TGFA: variants seen among roughly 807,000 people sequenced by gnomAD.
The protein encoded by TGFA is transforming growth factor alpha.
In TGFA, 12 loss-of-function variants were observed where a neutral mutation model predicts 21.7. The ratio of observed to expected loss-of-function variants is 0.55; its 90% CI spans 0.35 to 0.90. TGFA has a LOEUF of 0.90. Among genes scored for constraint, TGFA ranks in the 40% least tolerant of loss-of-function variants. TGFA has a pLI of 0.01. For synonymous variants in TGFA, 79 were observed against 88.1 expected (o/e 0.90, Z 0.58); for missense variants, 178 against 210.8 (o/e 0.84, Z 0.96).
intron 3 of TGFA, among the ~76,000 whole-genome samples, chr2:70,460,292 A>G (rs1205335990): frequency 6.6e-6 from 1 of 151,978 alleles, no homozygotes; most frequent in Admixed American, 6.6e-5. Context: ...GGGGAGGGCG[A>G]TCCTTTCTCT....
intron 2 of TGFA, among the ~76,000 whole-genome samples, chr2:70,502,774 T>C (rs1449990323): frequency 6.6e-6 from 1 of 152,258 alleles, no homozygotes; most frequent in Non-Finnish European, 1.5e-5. Context: ...ACTTGAATGT[T>C]ATTGCTTTCT....
intron 1 of TGFA, among the ~76,000 whole-genome samples, chr2:70,517,040 G>C (rs574257774): frequency 1.3e-5 from 2 of 152,190 alleles, no homozygotes; most frequent in African/African-American, 2.4e-5. Context: ...ACACTGATGA[G>C]CACCACTGCT....
intron 2 of TGFA, among the ~76,000 whole-genome samples, chr2:70,487,235 C>G (rs2103774208): frequency 6.6e-6 from 1 of 152,270 alleles, no homozygotes; most frequent in African/African-American, 2.4e-5. Flanking sequence ...ATTTTGTGTT[C>G]TGTGTGCCCA....
chr2:70,510,340 C>A (rs1427650579), intron 2 of TGFA, among the ~76,000 whole-genome samples: 3 of 152,204 alleles, frequency 2.0e-5, no homozygotes, highest in Admixed American at 6.5e-5. Context: ...GGGCCTATGA[C>A]AATTAGCATC....
intron 3 of TGFA, among the ~76,000 whole-genome samples, chr2:70,457,287 C>T (rs1267523139): frequency 4.6e-5 from 7 of 152,162 alleles, no homozygotes; most frequent in Non-Finnish European, 8.8e-5. Flanking sequence ...CTTTCAATCA[C>T]GGCCCCCTGC....
chr2:70,448,501 A>G lies in TGFA; in HGVS notation c.*2358T>C, dbSNP rs1669953511. Reference sequence around the variant, plus strand: ...GGAGCTTGCAGAGATGGATTAGAAGATGCATTTTTAACTTGAAATGGAGTA... The same window carrying G: ...GGAGCTTGCAGAGATGGATTAGAAGGTGCATTTTTAACTTGAAATGGAGTA... On this transcript the variant is annotated 3_prime_UTR_variant, in exon 6 of 6. Transcript: ENST00000295400. 6.6e-6 allele frequency: 1 copy of G among 152,190 alleles called. No homozygotes were observed. Among genetic ancestry groups the G allele is most frequent in the African/African-American group, 2.4e-5 (1 of 41,450 alleles). The allele number at this position is 152,190 out of a possible 1,614,324, so 9.4% of individuals were successfully genotyped here.
At chr2:70,518,647 T>C (rs1177808306) in intron 1 of TGFA, among the ~76,000 whole-genome samples, 2 of 152,206 alleles carry the variant, frequency 1.3e-5, no homozygotes, top group African/African-American at 4.8e-5. Context: ...CAATCAGGCA[T>C]GGGACTAGCA....
At chr2:70,508,918 C>T (rs1477206870) in intron 2 of TGFA, among the ~76,000 whole-genome samples, 3 of 152,200 alleles carry the variant, frequency 2.0e-5, no homozygotes, top group Admixed American at 2.0e-4. Flanking sequence ...GTCTACTACC[C>T]TGAGCAGCTT....
At chr2:70,519,179 C>T (rs536224087) in intron 1 of TGFA, among the ~76,000 whole-genome samples, 1 of 152,196 alleles carries the variant, frequency 6.6e-6, no homozygotes, top group Non-Finnish European at 1.5e-5. Context: ...CCCCCTTCCT[C>T]CCCTACCATT....
intron 2 of TGFA, among the ~76,000 whole-genome samples, chr2:70,487,338 G>A (rs1361449462): frequency 1.3e-5 from 2 of 152,186 alleles, no homozygotes; most frequent in African/African-American, 2.4e-5. Flanking sequence ...AAGTGCCTGG[G>A]ATTGGAAGTC....
intron 3 of TGFA, among the ~76,000 whole-genome samples, chr2:70,457,094 G>A (rs1164378972): frequency 6.6e-6 from 1 of 152,130 alleles, no homozygotes; most frequent in Non-Finnish European, 1.5e-5. Context: ...CTTAGTAAAG[G>A]CACAAGCAAG....
At chr2:70,457,879 A>G (rs1379720454) in intron 3 of TGFA, among the ~76,000 whole-genome samples, 1 of 152,256 alleles carries the variant, frequency 6.6e-6, no homozygotes, top group African/African-American at 2.4e-5. Flanking sequence ...GCCCCATATC[A>G]TATGCTAGAT....
intron 2 of TGFA, among the ~76,000 whole-genome samples, chr2:70,475,273 T>C (rs1256992619): frequency 1.3e-5 from 2 of 152,190 alleles, no homozygotes; most frequent in African/African-American, 2.4e-5. Context: ...TATTGGATTG[T>C]CCACCTACTG....
intron 2 of TGFA, among the ~76,000 whole-genome samples, chr2:70,476,095 A>T (rs561748701): frequency 2.1e-4 from 31 of 145,306 alleles, no homozygotes; most frequent in African/African-American, 7.5e-4. Context: ...AAAAAAAAAA[A>T]AAAAAAAAAA....
At chr2:70,521,609 G>GTTGTTTTTTTTTTTTTT (rs1432347684) in intron 1 of TGFA, among the ~76,000 whole-genome samples, 2 of 78,874 alleles carry the variant, frequency 2.5e-5, no homozygotes, top group Non-Finnish European at 4.8e-5. Context: ...TTTTGTTGTT[G>GTTGTTTTTTTTTTTTTT]TTTGTTTGTT....
At chr2:70,535,124 T>C (rs1361066091) in intron 1 of TGFA, among the ~76,000 whole-genome samples, 4 of 152,104 alleles carry the variant, frequency 2.6e-5, no homozygotes, top group Admixed American at 6.5e-5. Context: ...ATATGTAAGG[T>C]ACTGGAAGAA....
At chr2:70,472,321 C>T (rs1286802330) in intron 2 of TGFA, among the ~76,000 whole-genome samples, 1 of 152,148 alleles carries the variant, frequency 6.6e-6, no homozygotes, top group Non-Finnish European at 1.5e-5. Context: ...GGTTTTGGAA[C>T]AGACCTCATA....
At position 70,456,218 on chromosome 2, in the gene TGFA, A is replaced by G. The variant is rs11466260; in HGVS notation, c.365+121T>C. ...CAAAGTAGCATTTAGCTTTCCTGAC[A>G]GCACTCAGACATCCCAGAAATAAGC... On this transcript the variant is annotated intron_variant, in intron 4 of 5. Coordinates refer to ENST00000295400, the MANE Select transcript of TGFA (RefSeq NM_003236.4). 11,357 of 1,319,838 alleles carry G rather than the reference A, an allele frequency of 8.6e-3. 624 individuals carry two copies. The African/African-American group carries it at 0.14, about 16-fold the overall frequency. 81.8% of individuals were successfully genotyped at this position (1,319,838 alleles called of 1,614,324 possible). A position where few individuals can be genotyped will look rare whatever the true frequency, so the allele number is the denominator to read the frequency against.
chr2:70,541,139 GATA>G (rs561892196), intron 1 of TGFA, among the ~76,000 whole-genome samples: 1 of 152,156 alleles, frequency 6.6e-6, no homozygotes, highest in African/African-American at 2.4e-5. Flanking sequence ...TTAAAATGCT[GATA>G]ATAACTCAGT....
Sources: allele counts gnomAD v4.1 joint callset (sites outside exome capture counted in the v4.1 genomes callset), GRCh38; gene constraint gnomAD v4.1.1; transcripts MANE v1.5; gene names NCBI Gene and HGNC (gene_info 2026-07-23, HGNC 2026-07-21).